Variants in HCRTR1 observed in about 807,000 individuals in gnomAD.
HCRTR1 encodes orexin/Hypocretin receptor type 1.
In HCRTR1, 28 loss-of-function variants were observed where a neutral mutation model predicts 40.6. The ratio of observed to expected loss-of-function variants is 0.69; its 90% confidence interval spans 0.51 to 0.95. The LOEUF is 0.95. Ranked by LOEUF, HCRTR1 falls within the 40% of genes least tolerant of loss-of-function variation. HCRTR1 has a pLI of 0.00. For missense variants in HCRTR1, 482 were observed against 564.7 expected, an observed-to-expected ratio of 0.85 and a Z score of 1.48; for synonymous variants, 209 against 230.0, an observed-to-expected ratio of 0.91 and a Z score of 0.83.
chr1:31,633,226 C>G (rs757856977), downstream of HCRTR1: 2 of 1,614,126 alleles, frequency 1.2e-6, no homozygotes, highest in Non-Finnish European at 8.5e-7. Context: ...CCTGCTTTAG[C>G]TCCTTCATGG....
intron 6 of HCRTR1, among the ~76,000 whole-genome samples, chr1:31,622,562 T>C (rs1433984273): frequency 2.0e-5 from 3 of 151,978 alleles, no homozygotes. Flanking sequence ...TCCTCCTCAT[T>C]TGACAGATAT....
chr1:31,628,289 A>T (rs1293902529), downstream of HCRTR1, among the ~76,000 whole-genome samples: 2 of 152,148 alleles, frequency 1.3e-5, no homozygotes, highest in Non-Finnish European at 2.9e-5. Flanking sequence ...CCTCCTAAGC[A>T]CCCCGCTTTA....
intron 5 of HCRTR1, 84 bp downstream of exon 5, chr1:31,621,170 C>T (rs377538832): frequency 5.3e-6 from 8 of 1,497,822 alleles, no homozygotes; most frequent in East Asian, 4.6e-5. Flanking sequence ...CTAGCAGGGT[C>T]CCTTCCAAAG....
chr1:31,632,641 GA>G, downstream of HCRTR1: 1 of 1,613,288 alleles, frequency 6.2e-7, no homozygotes, highest in Non-Finnish European at 8.5e-7. Context: ...AAACATGTCT[GA>G]AGGTGAGGAG....
chr1:31,619,235 C>T lies in HCRTR1; in HGVS notation c.43C>T (p.Pro15Ser), dbSNP rs752397479. 2 of 1,613,568 alleles carry T rather than the reference C, an allele frequency of 1.2e-6. No individual in the cohort carries two copies. Among genetic ancestry groups the T allele is most frequent in the African/African-American group, 2.7e-5 (2 of 75,064 alleles). Residue 15 changes from proline (P) to serine (S), a missense_variant, in exon 3 of 9, where the codon CCT becomes TCT. Coordinates refer to ENST00000403528, the MANE Select transcript of HCRTR1 (RefSeq NM_001525.3). ...ATPGAQMGVPPGSREPSPVPP... is the reference protein window; with the variant it reads ...ATPGAQMGVPSGSREPSPVPP... Reference sequence around the variant, plus strand: ...CCCAGGGGCCCAGATGGGGGTCCCCCCTGGCAGCAGAGAGCCGTCCCCTGT... The same window carrying T: ...CCCAGGGGCCCAGATGGGGGTCCCCTCTGGCAGCAGAGAGCCGTCCCCTGT...
Position 31,625,055 on chromosome 1 carries a change from T to C in HCRTR1, c.1024T>C (p.Phe342Leu). Residue 342 changes from phenylalanine (F) to leucine (L), a missense_variant, in exon 8 of 9, where the codon TTC becomes CTC. Coordinates refer to ENST00000403528, the MANE Select transcript of HCRTR1 (RefSeq NM_001525.3). The surrounding 1 kb of genome is among the most constrained non-coding windows in gnomAD (Gnocchi z 4.2). ...DREAVYACFT[F>L]SHWLVYANSA... is the part of the protein sequence containing the mutation. ...CGAAGCTGTCTACGCCTGCTTCACC[T>C]TCTCCCACTGGCTGGTGTACGCCAA... 1.2e-6 allele frequency: 2 copies of C among 1,613,050 alleles called. No homozygotes were observed. The highest frequency in any genetic ancestry group is 1.7e-6 in the Non-Finnish European group (2 of 1,179,462).
chr1:31,632,578 T>A, downstream of HCRTR1: 1 of 1,614,216 alleles, frequency 6.2e-7, no homozygotes, highest in Non-Finnish European at 8.5e-7. Context: ...CTGGATGAAT[T>A]TCCACAGGGC....
In HCRTR1 at chr1:31,621,573, G is replaced by A. The variant is rs200954759; in HGVS notation, c.719G>A (p.Arg240His). ...LMAMAYFQIFRKLWGRQIPGT... is the reference protein window; with the variant it reads ...LMAMAYFQIFHKLWGRQIPGT... Reference sequence around the variant, plus strand: ...GCCATGGCCTATTTCCAGATATTCCGCAAGCTCTGGGGCCGCCAGGTGAGG... The same window carrying A: ...GCCATGGCCTATTTCCAGATATTCCACAAGCTCTGGGGCCGCCAGGTGAGG... Residue 240 changes from arginine to histidine, a missense_variant, in exon 6 of 9, where the codon CGC becomes CAC. By Grantham distance (29) the Arg-to-His change is conservative (BLOSUM62 0). Transcript: ENST00000403528. 1.9e-5 allele frequency: 31 copies of A among 1,612,964 alleles called. No individual in the cohort carries two copies. Among genetic ancestry groups the A allele is most frequent in the African/African-American group, 1.9e-4 (14 of 74,914 alleles).
downstream of HCRTR1, chr1:31,630,501 G>A: frequency 9.2e-7 from 1 of 1,089,856 alleles, no homozygotes; most frequent in Non-Finnish European, 1.3e-6. Flanking sequence ...CATCAAGCAA[G>A]GGAGAATGTT....
At chr1:31,618,356 G>T (rs1195091713) in intron 1 of HCRTR1, among the ~76,000 whole-genome samples, 1 of 152,110 alleles carries the variant, frequency 6.6e-6, no homozygotes, top group South Asian at 2.1e-4. Flanking sequence ...GACCCAAAGG[G>T]GCCTCTTAGG....
At position 31,627,242 on chromosome 1, in the gene HCRTR1, T is replaced by C. The variant is rs963986293; in HGVS notation, c.*262T>C. Reference sequence around the variant, plus strand: ...TTGTTGTACTTCTCTCATTTGGCCATACCCCACAGTATAATCTGTCCCCAT... The same window carrying C: ...TTGTTGTACTTCTCTCATTTGGCCACACCCCACAGTATAATCTGTCCCCAT... On this transcript the variant is annotated 3_prime_UTR_variant, in exon 9 of 9. Coordinates refer to ENST00000403528, the MANE Select transcript of HCRTR1 (RefSeq NM_001525.3). The C allele has an allele frequency of 1.3e-5, 19 of 1,420,920 alleles. No individual in the cohort carries two copies. The highest frequency in any genetic ancestry group is 1.7e-5 in the Non-Finnish European group (18 of 1,073,588). 88.0% of individuals were successfully genotyped at this position (1,420,920 alleles called of 1,614,324 possible).
chr1:31,621,483 T>A lies in HCRTR1; in HGVS notation c.629T>A (p.Leu210His). ...SVCDERWADD[L>H]YPKIYHSCFF... The stretch of plus-strand genomic sequence containing the variant: ...CATCTCTTGACCCCTGCAGATGACC[T>A]CTATCCCAAGATCTACCACAGTTGC... Residue 210 changes from leucine to histidine, a missense_variant, in exon 6 of 9, where the codon CTC (leucine) becomes CAC (histidine). Coordinates refer to ENST00000403528, the MANE Select transcript of HCRTR1 (RefSeq NM_001525.3). 1 of 1,612,266 alleles carries A rather than the reference T, an allele frequency of 6.2e-7. No individual in the cohort carries two copies.
At chr1:31,620,762 TG>T (rs1435225803) in intron 4 of HCRTR1, 80 bp from the exon 5 acceptor site, 49 of 1,548,224 alleles carry the variant, frequency 3.2e-5, no homozygotes, top group Non-Finnish European at 3.8e-5. Context: ...GCCCTGCACC[TG>T]CCGTCAGCCT....
chr1:31,630,980 C>A, downstream of HCRTR1: 1 of 745,108 alleles, frequency 1.3e-6, no homozygotes, highest in East Asian at 2.7e-5. Flanking sequence ...AGAGAAATCC[C>A]AAGGGTCTGT....
downstream of HCRTR1, chr1:31,633,449 C>T: frequency 4.1e-6 from 4 of 967,338 alleles, no homozygotes; most frequent in Non-Finnish European, 6.0e-6. Context: ...AGCTGACATT[C>T]TTACTCTGAT....
downstream of HCRTR1, among the ~76,000 whole-genome samples, chr1:31,634,027 G>C (rs995333691): frequency 2.6e-5 from 4 of 152,026 alleles, no homozygotes; most frequent in Non-Finnish European, 5.9e-5. Context: ...TTAGGACACT[G>C]AGTTAACTGG....
At chr1:31,632,351 G>A, downstream of HCRTR1, 1 of 1,390,468 alleles carries the variant, frequency 7.2e-7, no homozygotes, top group Non-Finnish European at 1.0e-6. Flanking sequence ...GAAGGGGTGA[G>A]GGATGCAGGC....
chr1:31,630,773 C>T (rs371830019), downstream of HCRTR1: 120 of 1,613,802 alleles, frequency 7.4e-5, no homozygotes, highest in Non-Finnish European at 7.5e-5. Flanking sequence ...ATTGGCAGAG[C>T]GTGGGCAGTA....
At chr1:31,630,372 A>G (rs1304995947), downstream of HCRTR1, 21 of 535,338 alleles carry the variant, frequency 3.9e-5, no homozygotes, top group Middle Eastern at 5.1e-4. Flanking sequence ...CATGGCCATC[A>G]GGACATTCAA....
Sources: gnomAD v4.1 joint callset for allele counts (sites outside exome capture counted in the v4.1 genomes callset) on GRCh38, gnomAD v4.1.1 for gene constraint, Gnocchi (gnomAD v3.1) non-coding constraint, MANE v1.5 for transcripts, NCBI Gene and HGNC (gene_info 2026-07-23, HGNC 2026-07-21) for gene names.